Variants in DAB2IP observed in about 807,000 individuals in gnomAD.
DAB2IP encodes the protein DAB2 interacting protein.
Under a neutral mutation model 107.2 loss-of-function variants are expected in DAB2IP, and 28 were observed. The ratio of observed to expected loss-of-function variants is 0.26; its 90% CI spans 0.19 to 0.36. The LOEUF (loss-of-function observed/expected upper bound fraction) is 0.36. DAB2IP is among the 10% of genes least tolerant of loss of function. The probability of loss-of-function intolerance (pLI) is 1.00; values close to 1 mark genes in which losing one functional copy is unlikely to be tolerated. For missense variants in DAB2IP, 1,400 were observed against 1,644.7 expected, an observed-to-expected ratio of 0.85 and a Z score of 2.57; for synonymous variants, 755 against 706.4, an observed-to-expected ratio of 1.07 and a Z score of -1.09.
At chr9:121,735,199 C>CT (rs1376154546) in intron 3 of DAB2IP, among the ~76,000 whole-genome samples, 1 of 152,176 alleles carries the variant, frequency 6.6e-6, no homozygotes, top group Non-Finnish European at 1.5e-5. Context: ...CTGGGTAGCT[C>CT]TTGGGGCTTT....
upstream of DAB2IP, among the ~76,000 whole-genome samples, chr9:121,649,127 C>T (rs1232604711): frequency 6.6e-6 from 1 of 152,182 alleles, no homozygotes; most frequent in Non-Finnish European, 1.5e-5. Context: ...AGAGTACCTG[C>T]CCCAGGCCCG....
At chr9:121,732,292 G>A (rs951776606) in intron 3 of DAB2IP, among the ~76,000 whole-genome samples, 4 of 152,178 alleles carry the variant, frequency 2.6e-5, no homozygotes, top group African/African-American at 9.7e-5. Context: ...TGTCGCATGG[G>A]TGGGAATTTA....
At chr9:121,631,572 C>T (rs983759997) in intron 1 of DAB2IP, among the ~76,000 whole-genome samples, 21 of 152,058 alleles carry the variant, frequency 1.4e-4, no homozygotes, top group Admixed American at 1.1e-3. Context: ...AATCCCAGAA[C>T]TCTGGGAGGC....
chr9:121,780,397 T>C (rs1482026608), intron 14 of DAB2IP, among the ~76,000 whole-genome samples: 1 of 152,050 alleles, frequency 6.6e-6, no homozygotes, highest in East Asian at 1.9e-4. Flanking sequence ...GCTGCCCCCA[T>C]TACAGTCCCG....
At position 121,750,330 on chromosome 9, in the gene DAB2IP, C is replaced by T. The variant is rs186258566; in HGVS notation, c.363-6683C>T. Among the ~76,000 whole-genome samples the T allele has an allele frequency of 2.7e-3, 414 of 152,048 alleles. 3 individuals carry two copies. The highest frequency in any genetic ancestry group is 3.4e-3 in the Middle Eastern group (1 of 292). Reference sequence around the variant, plus strand: ...TAGCATTCACTTGTGTGCGCGCGCGCGTGTGTGTGTGTGTTTAATCCCAGG... The same window carrying T: ...TAGCATTCACTTGTGTGCGCGCGCGTGTGTGTGTGTGTGTTTAATCCCAGG... On this transcript the variant is annotated intron_variant, in intron 3 of 15. Coordinates refer to ENST00000408936, the Ensembl canonical transcript of DAB2IP.
At chr9:121,598,955 C>G (rs1830597671) in intron 1 of DAB2IP, among the ~76,000 whole-genome samples, 1 of 152,222 alleles carries the variant, frequency 6.6e-6, no homozygotes, top group Admixed American at 6.5e-5. Flanking sequence ...GACGTTCCCT[C>G]CAGCCAGCTG....
At chr9:121,602,316 C>T (rs868151703) in intron 1 of DAB2IP, among the ~76,000 whole-genome samples, 1 of 152,092 alleles carries the variant, frequency 6.6e-6, no homozygotes, top group Non-Finnish European at 1.5e-5. Context: ...GATGTACTTG[C>T]GGGCAGACCT....
exon 12 of DAB2IP, chr9:121,773,131 C>T (rs759770964): frequency 1.1e-5 from 18 of 1,611,314 alleles, no homozygotes; most frequent in Non-Finnish European, 1.4e-5. Flanking sequence ...GAGTTGGCGG[C>T]TGCTGCCAAG....
intron 1 of DAB2IP, among the ~76,000 whole-genome samples, chr9:121,613,575 G>C (rs138699080): frequency 4.6e-4 from 70 of 152,222 alleles, no homozygotes; most frequent in Middle Eastern, 3.4e-3. Context: ...CTTCCTCTTA[G>C]ATCAGCTCCA....
intron 14 of DAB2IP, among the ~76,000 whole-genome samples, chr9:121,781,213 G>GAT (rs1835611666): frequency 6.6e-6 from 1 of 152,180 alleles, no homozygotes; most frequent in East Asian, 1.9e-4. Context: ...GGGGCAGCCC[G>GAT]GGGGCCTCTG....
chr9:121,567,349 G>T (rs1358333167), intron 1 of DAB2IP: 16 of 1,472,912 alleles, frequency 1.1e-5, no homozygotes, highest in Non-Finnish European at 1.4e-5. Context: ...GGCACTGTCT[G>T]GTCTTGGGAC....
At position 121,773,972 on chromosome 9, in the gene DAB2IP, A is replaced by T. The variant is rs113602016; in HGVS notation, c.2968-288A>T. On this transcript the variant is annotated intron_variant, in intron 12 of 15. Transcript: ENST00000408936. Reference sequence around the variant, plus strand: ...CCCAGCCTGGCCCTGTCCCCCACTCAGTGCAGCCTGCCCCGGTGCCCCCAG... The same window carrying T: ...CCCAGCCTGGCCCTGTCCCCCACTCTGTGCAGCCTGCCCCGGTGCCCCCAG... Among the ~76,000 whole-genome samples, 8,184 of 152,248 alleles carry T rather than the reference A, an allele frequency of 0.054. 774 individuals are homozygous for T. Among genetic ancestry groups the T allele is most frequent in the African/African-American group, 0.19 (7,746 of 41,536 alleles).
At chr9:121,636,566 G>T (rs1589435454) in intron 1 of DAB2IP, among the ~76,000 whole-genome samples, 2 of 152,296 alleles carry the variant, frequency 1.3e-5, no homozygotes, top group East Asian at 3.9e-4. Context: ...TGGGATCTGT[G>T]CTCTCGGGAG....
chr9:121,642,040 T>TTTCTTTCTTTCTTTCTTTCTTTCC (rs1832364246), intron 1 of DAB2IP, among the ~76,000 whole-genome samples: 1 of 47,040 alleles, frequency 2.1e-5, no homozygotes, highest in Non-Finnish European at 3.8e-5. Flanking sequence ...TCTTTCTTTC[T>TTTCTTTCTTTCTTTCTTTCTTTCC]TTCTTTCTTT....
At chr9:121,668,408 T>G (rs1466061487) in intron 1 of DAB2IP, among the ~76,000 whole-genome samples, 1 of 152,134 alleles carries the variant, frequency 6.6e-6, no homozygotes, top group Non-Finnish European at 1.5e-5. Flanking sequence ...TGGCTAAATT[T>G]TTAACTTTTC....
chr9:121,621,983 TC>T (rs1564116776), intron 1 of DAB2IP, among the ~76,000 whole-genome samples: 5 of 144,238 alleles, frequency 3.5e-5, no homozygotes, highest in Non-Finnish European at 7.5e-5. Context: ...CTTTTTTCTT[TC>T]TTTTTTTTTT....
intron 1 of DAB2IP, among the ~76,000 whole-genome samples, chr9:121,610,534 A>C (rs1411887187): frequency 6.6e-6 from 1 of 152,140 alleles, no homozygotes; most frequent in South Asian, 2.1e-4. Context: ...CCCAACTCCA[A>C]AGCCTCTCGT....
chr9:121,774,942 T>A (rs906470231), intron 13 of DAB2IP, among the ~76,000 whole-genome samples: 3 of 152,164 alleles, frequency 2.0e-5, no homozygotes, highest in Admixed American at 6.5e-5. Flanking sequence ...AGTTACCAGC[T>A]TGGGGGGTGG....
intron 1 of DAB2IP, among the ~76,000 whole-genome samples, chr9:121,668,650 C>T (rs1833547046): frequency 6.6e-6 from 1 of 152,096 alleles, no homozygotes; most frequent in Admixed American, 6.5e-5. Context: ...TGAGTCATAT[C>T]ACCTATTTAT....
Sources: allele counts gnomAD v4.1 joint callset (sites outside exome capture counted in the v4.1 genomes callset), GRCh38; gene constraint gnomAD v4.1.1; transcripts MANE v1.5; gene names NCBI Gene and HGNC (gene_info 2026-07-23, HGNC 2026-07-21).